The following ADGRL2 variants were observed in gnomAD, a reference collection of about 807,000 sequenced individuals.
ADGRL2 encodes the protein calcium-independent alpha-latrotoxin receptor 2.
In ADGRL2, 44 loss-of-function variants were observed where a neutral mutation model predicts 157.4. The observed-to-expected ratio is 0.28, with a 90% CI of 0.22 to 0.36. The LOEUF is 0.36. Among genes scored for constraint, ADGRL2 ranks in the 10% least tolerant of loss-of-function variants. The probability of loss-of-function intolerance (pLI) is 1.00; values close to 1 mark genes in which losing one functional copy is unlikely to be tolerated. For missense variants in ADGRL2, 1,510 were observed against 1,768.9 expected (o/e 0.85, Z 2.63); for synonymous variants, 585 against 624.7 (o/e 0.94, Z 0.95).
intron 1 of ADGRL2, among the ~76,000 whole-genome samples, chr1:81,703,310 G>A (rs959792825): frequency 3.3e-5 from 5 of 152,188 alleles, no homozygotes; most frequent in Admixed American, 3.3e-4. Flanking sequence ...TTGCAGAAGG[G>A]AAGAAATTAG....
chr1:81,975,998 AT>A (rs1328389577), intron 17 of ADGRL2, among the ~76,000 whole-genome samples: 2 of 152,002 alleles, frequency 1.3e-5, no homozygotes, highest in Admixed American at 1.3e-4. Flanking sequence ...TTAGCATTAC[AT>A]TTTTTTAACA....
intron 2 of ADGRL2, among the ~76,000 whole-genome samples, chr1:81,789,865 A>G (rs1400226647): frequency 1.3e-5 from 2 of 152,080 alleles, no homozygotes; most frequent in Non-Finnish European, 2.9e-5. Context: ...TCTGGCAGGG[A>G]AAAATTGGTT....
intron 3 of ADGRL2, among the ~76,000 whole-genome samples, chr1:81,675,628 C>T (rs2148932635): frequency 6.6e-6 from 1 of 150,500 alleles, no homozygotes; most frequent in Non-Finnish European, 1.5e-5. Context: ...GTCACCCAGG[C>T]TGGAGTGCAG....
chr1:81,813,846 G>T (rs756166170), intron 1 of ADGRL2, among the ~76,000 whole-genome samples: 14 of 151,490 alleles, frequency 9.2e-5, no homozygotes, highest in Non-Finnish European at 1.6e-4. Flanking sequence ...GTGAGGTAAG[G>T]GTTACTGGAG....
intron 3 of ADGRL2, among the ~76,000 whole-genome samples, chr1:81,675,020 G>A (rs1286033567): frequency 6.6e-6 from 1 of 152,162 alleles, no homozygotes; most frequent in Admixed American, 6.5e-5. Context: ...CAGGCCAGGT[G>A]CAAGTATCTC....
At chr1:81,543,932 C>T (rs1299242996) in intron 2 of ADGRL2, among the ~76,000 whole-genome samples, 1 of 152,106 alleles carries the variant, frequency 6.6e-6, no homozygotes, top group African/African-American at 2.4e-5. Flanking sequence ...CCTATTTACA[C>T]CGGGTGTTCT....
chr1:81,439,019 C>T (rs369474437), intron 1 of ADGRL2, among the ~76,000 whole-genome samples: 1 of 151,972 alleles, frequency 6.6e-6, no homozygotes, highest in South Asian at 2.1e-4. Flanking sequence ...GTAGACTTTG[C>T]GATAGAAACT....
chr1:81,358,516 G>C (rs2075910412), intron 1 of ADGRL2, among the ~76,000 whole-genome samples: 1 of 152,106 alleles, frequency 6.6e-6, no homozygotes, highest in Non-Finnish European at 1.5e-5. Context: ...GTGTGCAGTA[G>C]AGACCCCAAT....
intron 1 of ADGRL2, among the ~76,000 whole-genome samples, chr1:81,315,152 T>G (rs1313886275): frequency 1.3e-5 from 2 of 152,292 alleles, no homozygotes; most frequent in East Asian, 3.9e-4. Context: ...GTGTCTGCTT[T>G]AAATTACGTA....
intron 10 of ADGRL2, among the ~76,000 whole-genome samples, chr1:81,955,406 A>G (rs2149129689): frequency 6.6e-6 from 1 of 152,276 alleles, no homozygotes; most frequent in Middle Eastern, 3.4e-3. Context: ...TTACTATTTT[A>G]GTTGAGATTT....
chr1:81,531,165 A>G (rs952448160), intron 2 of ADGRL2, among the ~76,000 whole-genome samples: 9 of 152,190 alleles, frequency 5.9e-5, no homozygotes, highest in African/African-American at 2.2e-4. Context: ...AGTTGTTAAA[A>G]GAAGAAAGAA....
intron 10 of ADGRL2, among the ~76,000 whole-genome samples, 180 bp downstream of exon 10, chr1:81,953,205 AC>A (rs1408796034): frequency 6.6e-6 from 1 of 152,192 alleles, no homozygotes; most frequent in East Asian, 1.9e-4. Flanking sequence ...CAAATAATTT[AC>A]TTTTAATGAT....
At chr1:81,870,840 T>G (rs1020721587) in intron 2 of ADGRL2, among the ~76,000 whole-genome samples, 2 of 152,054 alleles carry the variant, frequency 1.3e-5, no homozygotes, top group African/African-American at 4.8e-5. Flanking sequence ...GTGGTTGGTA[T>G]TATTTGTATA....
intron 1 of ADGRL2, among the ~76,000 whole-genome samples, chr1:81,320,416 G>A (rs1660422121): frequency 6.6e-6 from 1 of 152,138 alleles, no homozygotes; most frequent in Non-Finnish European, 1.5e-5. Flanking sequence ...TTGCCAAAAG[G>A]TTTTCAAATT....
intron 2 of ADGRL2, among the ~76,000 whole-genome samples, chr1:81,524,237 G>T (rs1003086086): frequency 3.3e-5 from 5 of 152,006 alleles, no homozygotes; most frequent in African/African-American, 4.8e-5. Flanking sequence ...GTGGTGACGG[G>T]CGCCTGTAGT....
chr1:81,502,764 CCGG>C, intron 2 of ADGRL2: 1 of 1,613,410 alleles, frequency 6.2e-7, no homozygotes, highest in Admixed American at 1.7e-5. Context: ...GCAGGGAGAG[CCGG>C]CGGCCCAGCT....
intron 1 of ADGRL2, among the ~76,000 whole-genome samples, chr1:81,433,906 T>C (rs2077365422): frequency 1.3e-5 from 2 of 152,312 alleles, no homozygotes; most frequent in African/African-American, 4.8e-5. Context: ...ACATGCTGGT[T>C]GTAGGCTAGA....
intron 1 of ADGRL2, among the ~76,000 whole-genome samples, chr1:81,388,214 CTG>C (rs1169551215): frequency 1.3e-5 from 2 of 152,090 alleles, no homozygotes; most frequent in South Asian, 4.1e-4. Context: ...GATGATTCTC[CTG>C]GTTTTCACAC....
intron 2 of ADGRL2, among the ~76,000 whole-genome samples, chr1:81,896,844 T>C (rs2094398815): frequency 6.6e-6 from 1 of 152,198 alleles, no homozygotes; most frequent in Non-Finnish European, 1.5e-5. Flanking sequence ...AGCTCATAAT[T>C]GTTCATTCAT....
Sources: allele counts gnomAD v4.1 joint callset (sites outside exome capture counted in the v4.1 genomes callset), GRCh38; gene constraint gnomAD v4.1.1; transcripts MANE v1.5; gene names NCBI Gene and HGNC (gene_info 2026-07-23, HGNC 2026-07-21).